SHC4: variants seen among roughly 807,000 people sequenced by gnomAD.
SHC4 encodes the protein SHC-transforming protein 4.
A neutral mutation model predicts 69.4 loss-of-function variants in SHC4; 41 were observed. The ratio of observed to expected loss-of-function variants is 0.59; its 90% confidence interval spans 0.46 to 0.77. The LOEUF is 0.77. Ranked by LOEUF, SHC4 falls within the 30% of genes least tolerant of loss-of-function variation. The pLI is 0.00. For synonymous variants in SHC4, 318 were observed against 299.3 expected, an observed-to-expected ratio of 1.06 and a Z score of -0.64; for missense variants, 777 against 783.8, an observed-to-expected ratio of 0.99 and a Z score of 0.10.
intron 10 of SHC4, among the ~76,000 whole-genome samples, chr15:48,838,342 T>C (rs1213391736): frequency 1.3e-5 from 2 of 152,228 alleles, no homozygotes; most frequent in South Asian, 2.1e-4. Flanking sequence ...AGTATTGATT[T>C]TGGAGTTACA....
At chr15:48,949,243 C>T (rs748984400) in intron 1 of SHC4, among the ~76,000 whole-genome samples, 29 of 148,650 alleles carry the variant, frequency 2.0e-4, no homozygotes, top group South Asian at 4.3e-4. Flanking sequence ...TGGTGGTGGG[C>T]GCCTGTAGTC....
chr15:48,850,294 G>A (rs1216158690), intron 9 of SHC4, among the ~76,000 whole-genome samples: 1 of 152,036 alleles, frequency 6.6e-6, no homozygotes, highest in Admixed American at 6.5e-5. Flanking sequence ...TTACAAGATA[G>A]AGGAAGGTGG....
intron 1 of SHC4, among the ~76,000 whole-genome samples, chr15:48,955,126 T>G (rs12591399): frequency 1.3e-5 from 2 of 152,258 alleles, no homozygotes; most frequent in East Asian, 3.9e-4. Context: ...CCCCCAGTAC[T>G]CTGTCCCTTT....
At chr15:48,837,792 G>C (rs1898925341) in intron 10 of SHC4, among the ~76,000 whole-genome samples, 1 of 152,026 alleles carries the variant, frequency 6.6e-6, no homozygotes, top group African/African-American at 2.4e-5. Flanking sequence ...TATAGATATG[G>C]CTATCCACAC....
At chr15:48,853,090 A>T (rs1899246930) in intron 8 of SHC4, among the ~76,000 whole-genome samples, 1 of 151,942 alleles carries the variant, frequency 6.6e-6, no homozygotes, top group Non-Finnish European at 1.5e-5. Flanking sequence ...AAAACACTAG[A>T]CTCTGCCAAA....
rs534274353 is a variant in SHC4 at position 48,927,749 on chromosome 15, C to T, written c.586-2800G>A. On this transcript the variant is annotated intron_variant, in intron 1 of 11. Coordinates refer to ENST00000332408, the MANE Select transcript of SHC4 (RefSeq NM_203349.4). ...TTGACATTCTGTCCGCCTGGCTCTC[C>T]TACACAGTTCTGCAGGACAAACCCC... Among the ~76,000 whole-genome samples, 3 of 152,276 alleles carry T rather than the reference C, an allele frequency of 2.0e-5. No homozygotes were observed. In the East Asian group the frequency reaches 5.8e-4, roughly 29 times the overall value.
At chr15:48,837,843 T>C (rs1898926417) in intron 10 of SHC4, among the ~76,000 whole-genome samples, 1 of 151,734 alleles carries the variant, frequency 6.6e-6, no homozygotes, top group Non-Finnish European at 1.5e-5. Flanking sequence ...AAAGGGAAAA[T>C]ACAGTTTAAG....
At chr15:48,932,088 G>C (rs1482319239) in intron 1 of SHC4, among the ~76,000 whole-genome samples, 1 of 151,948 alleles carries the variant, frequency 6.6e-6, no homozygotes, top group Non-Finnish European at 1.5e-5. Context: ...CCCTAAGATG[G>C]GGTTTCTGGT....
At position 48,851,170 on chromosome 15, in the gene SHC4, GA is replaced by G; in HGVS notation, c.1303+17del. On this transcript the variant is annotated intron_variant, in intron 9 of 11. Coordinates refer to ENST00000332408, the MANE Select transcript of SHC4 (RefSeq NM_203349.4). Reference sequence around the variant, plus strand: ...AGGAATAAGGAGGGTGGCAGATGGAGAAGGGCATTGTACCTACCTATTGCCC... The same window carrying G: ...AGGAATAAGGAGGGTGGCAGATGGAGAGGGCATTGTACCTACCTATTGCCC... 1 of 1,612,910 alleles carries G rather than the reference GA, an allele frequency of 6.2e-7. No homozygotes were observed. Among genetic ancestry groups the G allele is most frequent in the Non-Finnish European group, 8.5e-7 (1 of 1,179,118 alleles).
chr15:48,830,786 A>C (rs1027497187), intron 11 of SHC4, among the ~76,000 whole-genome samples: 3 of 152,220 alleles, frequency 2.0e-5, no homozygotes, highest in Non-Finnish European at 4.4e-5. Context: ...GAAAAAAGAA[A>C]CAAAGCAAGC....
At chr15:48,898,177 T>C (rs1900257922) in intron 2 of SHC4, among the ~76,000 whole-genome samples, 1 of 152,216 alleles carries the variant, frequency 6.6e-6, no homozygotes, top group African/African-American at 2.4e-5. Flanking sequence ...TGTGTTCAAT[T>C]TTGTCCAGCT....
chr15:48,844,289 T>C (rs1899047500), intron 9 of SHC4, among the ~76,000 whole-genome samples: 1 of 152,162 alleles, frequency 6.6e-6, no homozygotes, highest in African/African-American at 2.4e-5. Context: ...AAATAATCTT[T>C]TAAAAACTGC....
intron 1 of SHC4, among the ~76,000 whole-genome samples, chr15:48,925,676 G>A (rs1452124982): frequency 6.6e-6 from 1 of 152,158 alleles, no homozygotes; most frequent in Non-Finnish European, 1.5e-5. Context: ...GCTGAAAGAT[G>A]GTTTATATTT....
chr15:48,940,608 A>G (rs913237002), intron 1 of SHC4, among the ~76,000 whole-genome samples: 1 of 152,178 alleles, frequency 6.6e-6, no homozygotes, highest in Non-Finnish European at 1.5e-5. Flanking sequence ...TGTCTGGTCA[A>G]AGTTGATGTC....
At chr15:48,862,054 G>C (rs1899454682) in intron 6 of SHC4, among the ~76,000 whole-genome samples, 1 of 152,064 alleles carries the variant, frequency 6.6e-6, no homozygotes, top group African/African-American at 2.4e-5. Flanking sequence ...CCATACTTTA[G>C]GAAGAAACAA....
At chr15:48,913,060 G>C (rs1404487862) in intron 2 of SHC4, among the ~76,000 whole-genome samples, 2 of 116,828 alleles carry the variant, frequency 1.7e-5, no homozygotes, top group Admixed American at 9.0e-5. Flanking sequence ...ATGCTCTATT[G>C]GGCTGGTTGG....
At position 48,882,818 on chromosome 15, in the gene SHC4, G is replaced by T. The variant is rs1326978686; in HGVS notation, c.840+1430C>A. ...TGAATGAAAACTGAAAATAAATTTTGCATCTACATATGTATTGAAGTCAAA... is the reference window on the plus strand; with the variant it reads ...TGAATGAAAACTGAAAATAAATTTTTCATCTACATATGTATTGAAGTCAAA... On this transcript the variant is annotated intron_variant, in intron 4 of 11. Coordinates refer to ENST00000332408, the MANE Select transcript of SHC4 (RefSeq NM_203349.4). 2.0e-5 allele frequency among the ~76,000 whole-genome samples: 3 copies of T among 152,148 alleles called. No homozygotes were observed. The East Asian group carries it at 5.8e-4, about 29-fold the overall frequency.
rs186825433 is a variant in SHC4 at position 48,861,757 on chromosome 15, C to T, written c.947-3942G>A. Among the ~76,000 whole-genome samples the T allele has an allele frequency of 1.6e-3, 248 of 152,248 alleles. 1 individual carries two copies. Among genetic ancestry groups the T allele is most frequent in the Admixed American group, 2.7e-3 (42 of 15,292 alleles). The stretch of plus-strand genomic sequence containing the variant: ...CCTGTAGCAGGATGGGCTCACACTT[C>T]CAGCCCTGGGTATCAAGTACTAAAC... On this transcript the variant is annotated intron_variant, in intron 6 of 11. Coordinates refer to ENST00000332408, the MANE Select transcript of SHC4 (RefSeq NM_203349.4).
intron 5 of SHC4, among the ~76,000 whole-genome samples, chr15:48,869,194 T>A (rs144682145): frequency 7.7e-4 from 117 of 152,366 alleles, no homozygotes; most frequent in Middle Eastern, 3.4e-3. Context: ...ATACTCACAA[T>A]GCACTTTTTA....
Sources: gnomAD v4.1 joint callset for allele counts (sites outside exome capture counted in the v4.1 genomes callset) on GRCh38, gnomAD v4.1.1 for gene constraint, MANE v1.5 for transcripts, NCBI Gene and HGNC (gene_info 2026-07-23, HGNC 2026-07-21) for gene names.